DYNC1I1: variants seen among roughly 807,000 people sequenced by gnomAD.
DYNC1I1 encodes cytoplasmic dynein 1 intermediate chain 1.
DYNC1I1 carries 43 observed loss-of-function variants against 86.6 expected under a neutral mutation model. The observed-to-expected ratio is 0.50, with a 90% CI of 0.39 to 0.64. The LOEUF (loss-of-function observed/expected upper bound fraction) is 0.64. Ranked by LOEUF, DYNC1I1 falls within the 30% of genes least tolerant of loss-of-function variation. The probability of loss-of-function intolerance (pLI) is 0.00; values close to 1 mark genes in which losing one functional copy is unlikely to be tolerated. For missense variants in DYNC1I1, 604 were observed against 788.8 expected (o/e 0.77, Z 2.81); for synonymous variants, 262 against 283.7 (o/e 0.92, Z 0.77).
chr7:95,779,866 C>CT (rs1259363460), intron 1 of DYNC1I1, among the ~76,000 whole-genome samples: 1 of 152,154 alleles, frequency 6.6e-6, no homozygotes, highest in Non-Finnish European at 1.5e-5. Context: ...TGAATGTGTG[C>CT]TTGGTAATAC....
At chr7:95,834,822 C>T (rs1789029061) in intron 5 of DYNC1I1, among the ~76,000 whole-genome samples, 1 of 145,812 alleles carries the variant, frequency 6.9e-6, no homozygotes. Flanking sequence ...GTGATATCCC[C>T]TTTATCATTT....
intron 5 of DYNC1I1, among the ~76,000 whole-genome samples, chr7:95,862,955 T>A (rs1008999859): frequency 5.3e-5 from 8 of 152,248 alleles, no homozygotes; most frequent in Admixed American, 6.5e-5. Flanking sequence ...ACTGTATTTT[T>A]AAAAATTTTT....
At chr7:96,030,317 C>T (rs1476605607) in intron 11 of DYNC1I1, among the ~76,000 whole-genome samples, 1 of 145,400 alleles carries the variant, frequency 6.9e-6, no homozygotes, top group Admixed American at 6.9e-5. Flanking sequence ...TTTCTTCTTC[C>T]TTAATGGTAG....
At chr7:95,952,140 T>G (rs1025340574) in intron 6 of DYNC1I1, among the ~76,000 whole-genome samples, 2 of 152,120 alleles carry the variant, frequency 1.3e-5, no homozygotes, top group African/African-American at 4.8e-5. Flanking sequence ...TACCTTCCTT[T>G]TATTTTTCCT....
chr7:95,837,258 G>T (rs879638474), intron 5 of DYNC1I1, among the ~76,000 whole-genome samples: 116 of 151,968 alleles, frequency 7.6e-4, no homozygotes, highest in Non-Finnish European at 1.4e-3. Flanking sequence ...CTGCTGGGGG[G>T]TGCCTCCCAG....
intron 4 of DYNC1I1, among the ~76,000 whole-genome samples, chr7:95,821,209 A>C (rs1317516822): frequency 6.6e-6 from 1 of 152,224 alleles, no homozygotes; most frequent in African/African-American, 2.4e-5. Context: ...ATCAGATACT[A>C]TACTAGACTT....
rs981278230 is a variant in DYNC1I1, at chr7:96,028,142, G to A, written c.970-33G>A. 4 of 1,603,604 alleles carry A rather than the reference G, an allele frequency of 2.5e-6. No individual in the cohort carries two copies. In the African/African-American group the frequency reaches 5.4e-5, roughly 21 times the overall value. ...AAGTCACCTACAACCATTTCACATT[G>A]CATCTCTCTCTCTCTCTCCTTTTCC... is the stretch of plus-strand genomic sequence containing the variant. On this transcript the variant is annotated intron_variant, in intron 10 of 16. Transcript: ENST00000447467.
intron 1 of DYNC1I1, among the ~76,000 whole-genome samples, chr7:95,794,772 C>T (rs116530355): frequency 0.017 from 2,578 of 152,230 alleles, 75 homozygotes; most frequent in African/African-American, 0.059. Context: ...AATATGTAGA[C>T]ACAACAGTCT....
chr7:96,015,851 T>C, intron 10 of DYNC1I1, among the ~76,000 whole-genome samples: 1 of 152,274 alleles, frequency 6.6e-6, no homozygotes, highest in East Asian at 1.9e-4. Context: ...AAAACATAAG[T>C]TTACCCTTGT....
intron 10 of DYNC1I1, among the ~76,000 whole-genome samples, chr7:96,018,941 A>G (rs748901309): frequency 2.6e-5 from 4 of 152,180 alleles, no homozygotes; most frequent in African/African-American, 4.8e-5. Flanking sequence ...TCTCCATGAT[A>G]TGAAGCACCT....
At chr7:95,944,871 T>G in intron 6 of DYNC1I1, among the ~76,000 whole-genome samples, 1 of 103,750 alleles carries the variant, frequency 9.6e-6, no homozygotes, top group Non-Finnish European at 1.8e-5. Context: ...TGGGGACTGT[T>G]GTGGGGTTGG....
At chr7:95,991,448 G>A (rs1313436275) in intron 9 of DYNC1I1, among the ~76,000 whole-genome samples, 1 of 152,184 alleles carries the variant, frequency 6.6e-6, no homozygotes, top group Non-Finnish European at 1.5e-5. Context: ...AAAAGATGAA[G>A]AACTAAAACT....
At chr7:96,061,586 C>G (rs547037021) in intron 14 of DYNC1I1, among the ~76,000 whole-genome samples, 61 of 152,044 alleles carry the variant, frequency 4.0e-4, no homozygotes, top group African/African-American at 1.4e-3. Flanking sequence ...GTGGAATCTC[C>G]GAACCCTCCC....
chr7:95,955,797 C>G (rs1252185799), intron 6 of DYNC1I1, among the ~76,000 whole-genome samples: 2 of 152,142 alleles, frequency 1.3e-5, no homozygotes, highest in African/African-American at 2.4e-5. Flanking sequence ...GTGAACATAG[C>G]CTACAGTAGT....
chr7:95,837,517 C>T (rs1789137302), intron 5 of DYNC1I1: 2 of 152,822 alleles, frequency 1.3e-5, no homozygotes, highest in African/African-American at 4.8e-5. Context: ...TTCCCGGCTG[C>T]TTTGTTTACC....
chr7:95,881,814 G>A (rs1396393981), intron 6 of DYNC1I1, among the ~76,000 whole-genome samples: 1 of 152,248 alleles, frequency 6.6e-6, no homozygotes, highest in East Asian at 1.9e-4. Flanking sequence ...GATTAAGTAA[G>A]CAGTTTGAGT....
intron 16 of DYNC1I1, among the ~76,000 whole-genome samples, chr7:96,085,393 A>G (rs1200811259): frequency 4.6e-5 from 7 of 152,098 alleles, no homozygotes; most frequent in Non-Finnish European, 1.5e-5. Context: ...TTACATTTAA[A>G]TGACAAAGAC....
At chr7:95,933,325 G>A (rs973038174) in intron 6 of DYNC1I1, among the ~76,000 whole-genome samples, 1 of 152,080 alleles carries the variant, frequency 6.6e-6, no homozygotes, top group Non-Finnish European at 1.5e-5. Flanking sequence ...ATCCACAGCC[G>A]GTTTGAGATT....
At chr7:95,885,986 T>C (rs1790582370) in intron 6 of DYNC1I1, among the ~76,000 whole-genome samples, 1 of 152,212 alleles carries the variant, frequency 6.6e-6, no homozygotes, top group Non-Finnish European at 1.5e-5. Context: ...TTATAAATCC[T>C]ACTTTTAAGA....
Sources: allele counts gnomAD v4.1 joint callset (sites outside exome capture counted in the v4.1 genomes callset), GRCh38; gene constraint gnomAD v4.1.1; transcripts MANE v1.5; gene names NCBI Gene and HGNC (gene_info 2026-07-23, HGNC 2026-07-21).